The following TCF7L2 variants were observed in gnomAD, a reference collection of about 807,000 sequenced individuals.
TCF7L2 encodes the protein transcription factor 7-like 2.
In TCF7L2, 23 loss-of-function variants were observed where a neutral mutation model predicts 77.9. The ratio of observed to expected loss-of-function variants is 0.30; its 90% CI spans 0.21 to 0.42. The LOEUF (loss-of-function observed/expected upper bound fraction) is 0.42. TCF7L2 is among the 10% of genes least tolerant of loss of function. The pLI is 1.00. For synonymous variants in TCF7L2, 413 were observed against 340.2 expected (o/e 1.21, Z -2.36); for missense variants, 654 against 793.1 (o/e 0.82, Z 2.11).
At position 113,014,858 on chromosome 10, in the gene TCF7L2, A is replaced by T. The variant is rs542167639; in HGVS notation, c.451-25167A>T. Among the ~76,000 whole-genome samples the T allele has an allele frequency of 2.0e-4, 31 of 152,216 alleles. No homozygotes were observed. In the South Asian group the frequency reaches 6.2e-3, roughly 31 times the overall value. ...CTTCTGTCCTTTATGGGAGACTTCA[A>T]CCTTGGGAAAGTCTGGAATCCTTGG... On this transcript the variant is annotated intron_variant, in intron 4 of 13. Transcript: ENST00000627217.
At chr10:112,968,588 A>AT (rs1280023943) in intron 4 of TCF7L2, among the ~76,000 whole-genome samples, 1 of 151,704 alleles carries the variant, frequency 6.6e-6, no homozygotes, top group African/African-American at 2.4e-5. Flanking sequence ...TTTCTTTTTC[A>AT]TTTTTTTTGA....
intron 8 of TCF7L2, among the ~76,000 whole-genome samples, chr10:113,147,884 G>A (rs907874221): frequency 3.9e-5 from 6 of 152,128 alleles, no homozygotes; most frequent in African/African-American, 9.7e-5. Flanking sequence ...GGCAGGGAAC[G>A]TCAGGAAGAA....
chr10:113,078,213 A>G (rs537322038), intron 5 of TCF7L2, among the ~76,000 whole-genome samples: 4 of 151,956 alleles, frequency 2.6e-5, no homozygotes, highest in South Asian at 2.1e-4. Context: ...AAGTGTTCCT[A>G]TGGTAATGAC....
At chr10:112,983,768 T>C (rs1415609443) in intron 4 of TCF7L2, among the ~76,000 whole-genome samples, 2 of 152,220 alleles carry the variant, frequency 1.3e-5, no homozygotes, top group East Asian at 1.9e-4. Flanking sequence ...CTGTGTCGTA[T>C]GGGAGAAGGC....
chr10:113,153,968 C>T (rs2071309557), intron 11 of TCF7L2, among the ~76,000 whole-genome samples: 2 of 152,230 alleles, frequency 1.3e-5, no homozygotes, highest in South Asian at 4.1e-4. Context: ...CGAGGCCCTG[C>T]CCCCTTAGCT....
intron 4 of TCF7L2, among the ~76,000 whole-genome samples, chr10:112,966,063 T>TA (rs2036690397): frequency 6.6e-6 from 1 of 150,992 alleles, no homozygotes; most frequent in Non-Finnish European, 1.5e-5. Flanking sequence ...TAATCCCAGT[T>TA]AATCAGGAGG....
rs1261903606 is a variant in TCF7L2, at chr10:112,951,238, G to C, written c.221G>C (p.Ser74Thr). Residue 74 changes from serine to threonine, a missense_variant, in exon 2 of 14, where the codon AGT becomes ACT. This residue lies in a region of TCF7L2 where 132 missense variants were observed against 123.7 expected (regional missense o/e 1.07). Transcript: ENST00000627217. Reference sequence around the variant, plus strand: ...AGACGGCCTCCGCCTCGCTCCGAAAGTTTCCGAGACAAATCCCGGGAAAGT... The same window carrying C: ...AGACGGCCTCCGCCTCGCTCCGAAACTTTCCGAGACAAATCCCGGGAAAGT... 18 of 1,577,594 alleles carry C rather than the reference G, an allele frequency of 1.1e-5. No individual in the cohort carries two copies. Among genetic ancestry groups the C allele is most frequent in the Non-Finnish European group, 1.5e-5 (17 of 1,164,736 alleles).
In TCF7L2 at chr10:113,031,457, GC is replaced by G. The variant is rs564043923; in HGVS notation, c.451-8567del. Among the ~76,000 whole-genome samples the G allele has an allele frequency of 2.4e-3, 358 of 150,448 alleles. 1 individual carries two copies. Among genetic ancestry groups the G allele is most frequent in the African/African-American group, 8.3e-3 (341 of 40,968 alleles). On this transcript the variant is annotated intron_variant, in intron 4 of 13. Coordinates refer to ENST00000627217, the MANE Select transcript of TCF7L2 (RefSeq NM_001146274.2). ...GAAAAAAGTCCCTCTAAACAAGCCA[GC>G]AAGGTTTGGATACTGTGCAACCTTT...
intron 4 of TCF7L2, among the ~76,000 whole-genome samples, chr10:112,976,525 A>G (rs2039454209): frequency 6.6e-6 from 1 of 152,198 alleles, no homozygotes. Flanking sequence ...TCATATTTAT[A>G]TCCCTGTAGC....
chr10:113,149,945 A>C (rs115162293), intron 8 of TCF7L2, among the ~76,000 whole-genome samples: 1 of 152,210 alleles, frequency 6.6e-6, no homozygotes, highest in Non-Finnish European at 1.5e-5. Context: ...TGAGTCTTCC[A>C]ACCCAGTACA....
intron 6 of TCF7L2, among the ~76,000 whole-genome samples, chr10:113,142,505 A>T (rs1439518442): frequency 6.6e-6 from 1 of 152,170 alleles, no homozygotes; most frequent in Non-Finnish European, 1.5e-5. Context: ...TTCCTAGCTC[A>T]GTAATTGGAA....
chr10:113,143,366 C>T (rs1237326045), intron 6 of TCF7L2, among the ~76,000 whole-genome samples: 1 of 152,250 alleles, frequency 6.6e-6, no homozygotes, highest in East Asian at 1.9e-4. Context: ...GATAAGATGC[C>T]AGATGGCATT....
chr10:113,075,464 A>AG (rs1381314752), intron 5 of TCF7L2, among the ~76,000 whole-genome samples: 13 of 44,280 alleles, frequency 2.9e-4, no homozygotes, highest in African/African-American at 1.3e-3. Flanking sequence ...TGTGTCCAAA[A>AG]AAAAAAGAAA....
chr10:112,957,786 CTG>C (rs2034054589), intron 3 of TCF7L2, among the ~76,000 whole-genome samples: 1 of 152,128 alleles, frequency 6.6e-6, no homozygotes, highest in South Asian at 2.1e-4. Context: ...GAGGCATTAT[CTG>C]TGGTGGAGAC....
At position 113,159,843 on chromosome 10, in the gene TCF7L2, CCCT is replaced by C. The variant is rs1344610806; in HGVS notation, c.1319-774_1319-772del. ...GTATCTTTCTCTTCCCCCCCCCCCC[CCCT>C]CTTTCTCTCTCTCTCTCTCTCCCTT... On this transcript the variant is annotated intron_variant, in intron 12 of 13. Transcript: ENST00000627217. The C allele has an allele frequency of 2.3e-4, 36 of 159,352 alleles. 1 individual carries two copies. Among genetic ancestry groups the C allele is most frequent in the Non-Finnish European group, 3.3e-4 (27 of 83,050 alleles). The allele number at this position is 159,352 out of a possible 1,614,324, so 9.9% of individuals were successfully genotyped here.
chr10:112,999,161 A>G (rs1284483516), intron 4 of TCF7L2, among the ~76,000 whole-genome samples: 1 of 152,176 alleles, frequency 6.6e-6, no homozygotes, highest in Non-Finnish European at 1.5e-5. Flanking sequence ...GCCTTTCCCC[A>G]TTCTCATGGG....
At position 112,994,715 on chromosome 10, in the gene TCF7L2, GT is replaced by G. The variant is rs371662939; in HGVS notation, c.450+30093del. On this transcript the variant is annotated intron_variant, in intron 4 of 13. Coordinates refer to ENST00000627217, the MANE Select transcript of TCF7L2 (RefSeq NM_001146274.2). ...TGCCAGAAACAATATTTAAAAAGTG[GT>G]TATAAAAAGTGGTTTGGGAGGCTGA... is the stretch of plus-strand genomic sequence containing the variant. 2.6e-4 allele frequency among the ~76,000 whole-genome samples: 40 copies of G among 152,262 alleles called. No homozygotes were observed. The East Asian group carries it at 4.6e-3, about 18-fold the overall frequency.
chr10:113,039,334 T>A (rs1158027604), intron 4 of TCF7L2, among the ~76,000 whole-genome samples: 2 of 152,230 alleles, frequency 1.3e-5, no homozygotes, highest in East Asian at 1.9e-4. Context: ...ACAGAATTGA[T>A]GTACACCTTT....
Position 112,950,663 on chromosome 10 carries a change from T to TC in TCF7L2, c.-94_-93insC. On this transcript the variant is annotated 5_prime_UTR_variant, in exon 1 of 14. Coordinates refer to ENST00000627217, the MANE Select transcript of TCF7L2 (RefSeq NM_001146274.2). ...GACTCGTCTTTTTCTTGCAATATTT[T>TC]TTGGGGGGGCAAAACTTTTTGGGGG... is the stretch of plus-strand genomic sequence containing the variant. 2 of 1,441,992 alleles carry TC rather than the reference T, an allele frequency of 1.4e-6. No homozygotes were observed. Among genetic ancestry groups the TC allele is most frequent in the Non-Finnish European group, 1.9e-6 (2 of 1,078,792 alleles). The allele number at this position is 1,441,992 out of a possible 1,614,324, so 89.3% of individuals were successfully genotyped here. A position where few individuals can be genotyped will look rare whatever the true frequency, so the allele number is the denominator to read the frequency against.
Sources: allele counts gnomAD v4.1 joint callset (sites outside exome capture counted in the v4.1 genomes callset), GRCh38; gene constraint gnomAD v4.1.1; regional missense constraint gnomAD v4.1.1; transcripts MANE v1.5; gene names NCBI Gene and HGNC (gene_info 2026-07-23, HGNC 2026-07-21).